The following CLOCK variants were observed in gnomAD, a reference collection of about 807,000 sequenced individuals.
CLOCK encodes circadian locomoter output cycles protein kaput.
CLOCK carries 43 observed loss-of-function variants against 118.4 expected under a neutral mutation model. That is an observed-to-expected ratio of 0.36 (90% confidence interval 0.28 to 0.47). The LOEUF (loss-of-function observed/expected upper bound fraction) is 0.47, where lower values mean the gene tolerates loss of function less well. Among genes scored for constraint, CLOCK ranks in the 20% least tolerant of loss-of-function variants. The pLI is 1.00. For missense variants in CLOCK, 846 were observed against 999.9 expected (o/e 0.85, Z 2.08); for synonymous variants, 326 against 339.2 (o/e 0.96, Z 0.43).
chr4:55,489,513 T>C (rs1003687135), intron 2 of CLOCK, 48 bp from the exon 3 acceptor site: 2 of 152,128 alleles, frequency 1.3e-5, no homozygotes, highest in African/African-American at 4.8e-5. Context: ...TACATAGAAG[T>C]TTATCATTAA....
intron 8 of CLOCK, among the ~76,000 whole-genome samples, chr4:55,467,375 A>G (rs889695220): frequency 5.9e-5 from 9 of 152,206 alleles, no homozygotes; most frequent in African/African-American, 2.2e-4. Flanking sequence ...TCCTGCCTTT[A>G]AGAAGCTACA....
intron 1 of CLOCK, among the ~76,000 whole-genome samples, chr4:55,537,525 C>T (rs891235992): frequency 2.6e-5 from 4 of 151,948 alleles, no homozygotes; most frequent in African/African-American, 4.8e-5. Context: ...GACTCTGGTG[C>T]GAGGATCTCT....
At chr4:55,530,891 A>T (rs2110086952) in intron 1 of CLOCK, among the ~76,000 whole-genome samples, 1 of 152,174 alleles carries the variant, frequency 6.6e-6, no homozygotes, top group South Asian at 2.1e-4. Context: ...GACACGGAAT[A>T]GCTCAGAATG....
At chr4:55,536,485 C>T (rs1379614236) in intron 1 of CLOCK, among the ~76,000 whole-genome samples, 4 of 152,082 alleles carry the variant, frequency 2.6e-5, no homozygotes, top group African/African-American at 9.7e-5. Context: ...CACACAAGAT[C>T]TGGTTGTTGA....
In CLOCK at chr4:55,438,516, A is replaced by G. The variant is rs778270203; in HGVS notation, c.2127T>C (p.Leu709=). The G allele has an allele frequency of 6.2e-7, 1 of 1,613,654 alleles. No homozygotes were observed. Among genetic ancestry groups the G allele is most frequent in the Admixed American group, 1.7e-5 (1 of 59,996 alleles). ...CAGGAGCAGTCACTAATTTGGTCAC[A>G]AGTTGTTGACCTTGAGAAAATCTGT... The part of the protein sequence containing the change: ...RQIRFSQGQQ[L]VTKLVTAPVA... The change falls in exon 22 of 23, where the codon CTT becomes CTC. Residue 709 remains leucine, a synonymous_variant. Transcript: ENST00000513440.
chr4:55,485,631 A>G (rs978575495), intron 3 of CLOCK, among the ~76,000 whole-genome samples: 9 of 152,202 alleles, frequency 5.9e-5, no homozygotes, highest in Non-Finnish European at 2.9e-5. Context: ...AATACATTTC[A>G]TTATTTTTTA....
chr4:55,538,103 T>G (rs971232277), intron 1 of CLOCK, among the ~76,000 whole-genome samples: 2 of 152,206 alleles, frequency 1.3e-5, no homozygotes, highest in African/African-American at 2.4e-5. Flanking sequence ...ATACTAAATC[T>G]CTACAGGTTA....
intron 18 of CLOCK, among the ~76,000 whole-genome samples, chr4:55,446,101 CTTTTTTTT>C (rs766235766): frequency 9.3e-6 from 1 of 107,372 alleles, no homozygotes; most frequent in East Asian, 3.5e-4. Context: ...AATTTAACTT[CTTTTTTTT>C]TTTTTTTTTT....
rs766893727 is a variant in CLOCK, at chr4:55,479,685, A to G, written c.62T>C (p.Ile21Thr). 4.3e-6 allele frequency: 7 copies of G among 1,612,942 alleles called. No individual in the cohort carries two copies. Among genetic ancestry groups the G allele is most frequent in the Non-Finnish European group, 5.9e-6 (7 of 1,179,262 alleles). ...SSIVDRDDSS[I>T]FDGLVEEDDK... ...ATCTTCTTCCACCAACCCATCAAAA[A>G]TACTACTGTCATCTCTAAAAGAAAG... The change falls in exon 5 of 23, where the codon ATT becomes ACT. Residue 21 changes from isoleucine (I) to threonine (T), a missense_variant. This residue lies in a region of CLOCK where 246 missense variants were observed against 300.2 expected (regional missense o/e 0.82). Coordinates refer to ENST00000513440, the MANE Select transcript of CLOCK (RefSeq NM_004898.4).
At chr4:55,497,396 T>C (rs1728149637) in intron 2 of CLOCK, among the ~76,000 whole-genome samples, 1 of 152,184 alleles carries the variant, frequency 6.6e-6, no homozygotes, top group Admixed American at 6.5e-5. Context: ...CCTTAATTAT[T>C]CCTTGCCATG....
intron 13 of CLOCK, 119 bp downstream of exon 13, chr4:55,455,778 T>C: frequency 1.3e-6 from 1 of 781,592 alleles, no homozygotes; most frequent in Non-Finnish European, 2.2e-6. Flanking sequence ...CAAAATCTTT[T>C]AGCATATTTC....
chr4:55,539,285 A>T (rs1459353428), intron 1 of CLOCK, among the ~76,000 whole-genome samples: 1 of 150,692 alleles, frequency 6.6e-6, no homozygotes, highest in Non-Finnish European at 1.5e-5. Context: ...ACTTCAAAAA[A>T]GGTGAAACTG....
In CLOCK at chr4:55,452,992, TGA is replaced by T. The variant is rs983508159; in HGVS notation, c.1206+60_1206+61del. ...GAAAAATAGTTTTCCTATTAATTAT[TGA>T]GTTTCATCTTTTATTGGGGAGAAAT... On this transcript the variant is annotated intron_variant, in intron 15 of 22. Coordinates refer to ENST00000513440, the MANE Select transcript of CLOCK (RefSeq NM_004898.4). 3.1e-5 allele frequency: 36 copies of T among 1,151,294 alleles called. 1 individual carries two copies. The Admixed American group carries it at 7.1e-4, about 23-fold the overall frequency. The allele number at this position is 1,151,294 out of a possible 1,614,324, so 71.3% of individuals were successfully genotyped here.
chr4:55,447,542 C>T (rs1160956696), intron 18 of CLOCK, among the ~76,000 whole-genome samples: 1 of 152,092 alleles, frequency 6.6e-6, no homozygotes, highest in East Asian at 1.9e-4. Flanking sequence ...AGTAAAACCA[C>T]AGACCTAAGA....
Position 55,459,135 on chromosome 4 carries a change from C to T in CLOCK, c.673+13G>A, listed in dbSNP as rs1725128378. On this transcript the variant is annotated intron_variant, in intron 10 of 22. Coordinates refer to ENST00000513440, the MANE Select transcript of CLOCK (RefSeq NM_004898.4). Reference sequence around the variant, plus strand: ...AAGTTAAAACACATTGTGAGAGAAGCATTTTAACTCACCACTGTTTAAAGA... The same window carrying T: ...AAGTTAAAACACATTGTGAGAGAAGTATTTTAACTCACCACTGTTTAAAGA... The T allele has an allele frequency of 6.7e-7, 1 of 1,492,946 alleles. No homozygotes were observed. Among genetic ancestry groups the T allele is most frequent in the Non-Finnish European group, 9.3e-7 (1 of 1,069,814 alleles). 92.5% of individuals were successfully genotyped at this position (1,492,946 alleles called of 1,614,324 possible).
At chr4:55,450,547 C>A (rs913117917) in intron 15 of CLOCK, among the ~76,000 whole-genome samples, 2 of 152,132 alleles carry the variant, frequency 1.3e-5, no homozygotes, top group South Asian at 4.1e-4. Flanking sequence ...GCAGGCAGAT[C>A]ACCTGAGGTC....
intron 1 of CLOCK, among the ~76,000 whole-genome samples, chr4:55,541,842 A>T (rs77602326): frequency 3.0e-5 from 4 of 134,580 alleles, no homozygotes; most frequent in Non-Finnish European, 4.9e-5. Context: ...CTAAAAGAAC[A>T]TAACAACTCC....
chr4:55,435,763 G>A lies in CLOCK; in HGVS notation c.2362-169C>T, dbSNP rs544004729. On this transcript the variant is annotated intron_variant, in intron 22 of 22. Coordinates refer to ENST00000513440, the MANE Select transcript of CLOCK (RefSeq NM_004898.4). ...ATTCTAATTTGGAAAATGCTTATGA[G>A]GCCTTCCCTCTTTCTGAAAGTATGA... Among the ~76,000 whole-genome samples, 3 of 152,234 alleles carry A rather than the reference G, an allele frequency of 2.0e-5. No homozygotes were observed. In the South Asian group the frequency reaches 6.2e-4, roughly 32 times the overall value.
chr4:55,482,166 T>C (rs1682935798), intron 4 of CLOCK, among the ~76,000 whole-genome samples: 1 of 152,178 alleles, frequency 6.6e-6, no homozygotes, highest in Admixed American at 6.5e-5. Context: ...TACGTGTCGC[T>C]GAGGTTTGGT....
Sources: allele counts gnomAD v4.1 joint callset (sites outside exome capture counted in the v4.1 genomes callset), GRCh38; gene constraint gnomAD v4.1.1; regional missense constraint gnomAD v4.1.1; transcripts MANE v1.5; gene names NCBI Gene and HGNC (gene_info 2026-07-23, HGNC 2026-07-21).